Variants in AFG1L observed in about 807,000 individuals in gnomAD.
AFG1L encodes AFG1 like ATPase.
A neutral mutation model predicts 62.2 loss-of-function variants in AFG1L; 53 were observed. The ratio of observed to expected loss-of-function variants is 0.85; its 90% confidence interval spans 0.68 to 1.07. AFG1L has a LOEUF of 1.07. Among genes scored for constraint, AFG1L ranks in the 50% least tolerant of loss-of-function variants. The pLI is 0.00. For synonymous variants in AFG1L, 228 were observed against 210.3 expected (o/e 1.08, Z -0.73); for missense variants, 555 against 590.5 (o/e 0.94, Z 0.62).
chr6:108,525,285 T>C lies in AFG1L; in HGVS notation c.*2860T>C, dbSNP rs927899441. 1.3e-5 allele frequency: 2 copies of C among 152,200 alleles called. No homozygotes were observed. The highest frequency in any genetic ancestry group is 2.4e-5 in the African/African-American group (1 of 41,442). 9.4% of individuals were successfully genotyped at this position (152,200 alleles called of 1,614,324 possible). A position where few individuals can be genotyped will look rare whatever the true frequency, so the allele number is the denominator to read the frequency against. On this transcript the variant is annotated 3_prime_UTR_variant, in exon 13 of 13. Transcript: ENST00000368977. ...ACTTCTCATATTTCTTTAGGCAGTGTATGAGCTTATTTGCTGATATCACTA... is the reference window on the plus strand; with the variant it reads ...ACTTCTCATATTTCTTTAGGCAGTGCATGAGCTTATTTGCTGATATCACTA...
rs893220287 is a variant in AFG1L, at chr6:108,306,803, T to C, written c.139+11585T>C. Among the ~76,000 whole-genome samples, 7 of 152,308 alleles carry C rather than the reference T, an allele frequency of 4.6e-5. No individual in the cohort carries two copies. The East Asian group carries it at 1.4e-3, about 29-fold the overall frequency. On this transcript the variant is annotated intron_variant, in intron 1 of 12. Coordinates refer to ENST00000368977, the MANE Select transcript of AFG1L (RefSeq NM_145315.5). ...CTTTCTGAATGACACTCTGAAAATG[T>C]GGCCCCCATATCACAATATATTCCT...
chr6:108,400,873 A>G (rs1304524743), intron 6 of AFG1L, among the ~76,000 whole-genome samples: 1 of 132,194 alleles, frequency 7.6e-6, no homozygotes, highest in Non-Finnish European at 1.5e-5. Context: ...TATAAAATAT[A>G]TATTTATATA....
chr6:108,345,883 A>C (rs976572080), intron 2 of AFG1L, among the ~76,000 whole-genome samples: 2 of 152,198 alleles, frequency 1.3e-5, no homozygotes, highest in Non-Finnish European at 2.9e-5. Flanking sequence ...AAGCTTAACC[A>C]GTGTAAGTGC....
chr6:108,485,380 G>A (rs1773497140), intron 10 of AFG1L, among the ~76,000 whole-genome samples: 1 of 151,830 alleles, frequency 6.6e-6, no homozygotes, highest in Admixed American at 6.6e-5. Context: ...AGGATTCCCA[G>A]AGGGTCTCAA....
chr6:108,411,212 G>A (rs1251490240), intron 7 of AFG1L, among the ~76,000 whole-genome samples: 3 of 152,224 alleles, frequency 2.0e-5, no homozygotes, highest in Non-Finnish European at 4.4e-5. Flanking sequence ...GAGGCTGGGG[G>A]AGGGGCATCT....
intron 10 of AFG1L, among the ~76,000 whole-genome samples, chr6:108,478,787 G>C (rs1281079093): frequency 6.6e-6 from 1 of 152,116 alleles, no homozygotes; most frequent in East Asian, 1.9e-4. Context: ...TTTTGGAGCA[G>C]ACACTGAGTT....
chr6:108,375,736 T>A (rs1780215730), intron 6 of AFG1L, among the ~76,000 whole-genome samples: 1 of 152,138 alleles, frequency 6.6e-6, no homozygotes, highest in Non-Finnish European at 1.5e-5. Flanking sequence ...TTCTAGTATT[T>A]TTTGAGGATT....
At chr6:108,430,195 G>A (rs1036403944) in intron 7 of AFG1L, among the ~76,000 whole-genome samples, 2 of 152,142 alleles carry the variant, frequency 1.3e-5, no homozygotes, top group African/African-American at 4.8e-5. Flanking sequence ...TGTTCCACCC[G>A]CCTTGGCCTC....
chr6:108,404,870 A>G (rs1781782958), intron 7 of AFG1L, among the ~76,000 whole-genome samples: 1 of 151,694 alleles, frequency 6.6e-6, no homozygotes, highest in African/African-American at 2.4e-5. Flanking sequence ...TGGGACTACA[A>G]GTGCACACAC....
chr6:108,299,284 A>C (rs1232570413), intron 1 of AFG1L, among the ~76,000 whole-genome samples: 1 of 151,988 alleles, frequency 6.6e-6, no homozygotes, highest in Non-Finnish European at 1.5e-5. Flanking sequence ...AAAAAAAATA[A>C]ATTAACATAC....
intron 6 of AFG1L, among the ~76,000 whole-genome samples, chr6:108,371,514 A>G (rs151306194): frequency 7.0e-4 from 107 of 151,996 alleles, no homozygotes; most frequent in Admixed American, 2.0e-3. Flanking sequence ...CCTTGTGAGT[A>G]GCTTGGACTA....
intron 6 of AFG1L, among the ~76,000 whole-genome samples, chr6:108,376,132 G>A (rs1217114064): frequency 6.6e-6 from 1 of 152,086 alleles, no homozygotes; most frequent in Non-Finnish European, 1.5e-5. Flanking sequence ...AGGATCTTTT[G>A]TATTTCTGTG....
chr6:108,515,088 A>G (rs968348016), intron 11 of AFG1L, among the ~76,000 whole-genome samples: 4 of 152,218 alleles, frequency 2.6e-5, no homozygotes, highest in African/African-American at 9.6e-5. Flanking sequence ...AGACAGATCA[A>G]CAAGACAGAA....
chr6:108,475,793 G>A (rs1773083380), intron 8 of AFG1L, among the ~76,000 whole-genome samples: 1 of 152,124 alleles, frequency 6.6e-6, no homozygotes, highest in Non-Finnish European at 1.5e-5. Flanking sequence ...TTGAAGAATT[G>A]GGTGCTTGTG....
chr6:108,315,080 C>T (rs1316846539), intron 1 of AFG1L, among the ~76,000 whole-genome samples: 1 of 152,100 alleles, frequency 6.6e-6, no homozygotes, highest in Non-Finnish European at 1.5e-5. Context: ...CCGCCCGCCT[C>T]AAGTGATCTG....
chr6:108,431,287 A>G (rs540862535), intron 7 of AFG1L, among the ~76,000 whole-genome samples: 1 of 152,080 alleles, frequency 6.6e-6, no homozygotes, highest in African/African-American at 2.4e-5. Context: ...TATTTTTAGT[A>G]GAGACAGGGT....
At chr6:108,456,927 G>A (rs1267883052) in intron 8 of AFG1L, among the ~76,000 whole-genome samples, 2 of 152,060 alleles carry the variant, frequency 1.3e-5, no homozygotes, top group Non-Finnish European at 2.9e-5. Flanking sequence ...TATAGCCCAG[G>A]AGCATTAGGC....
chr6:108,447,662 T>C (rs1771873928), intron 8 of AFG1L, among the ~76,000 whole-genome samples: 1 of 152,192 alleles, frequency 6.6e-6, no homozygotes, highest in Admixed American at 6.5e-5. Context: ...CCCCCCAAAA[T>C]TGTTGTTTTA....
At chr6:108,380,949 G>A (rs945988357) in intron 6 of AFG1L, among the ~76,000 whole-genome samples, 1 of 152,274 alleles carries the variant, frequency 6.6e-6, no homozygotes, top group African/African-American at 2.4e-5. Flanking sequence ...ATTCTCCTCC[G>A]TGGGTTCTGG....
Sources: gnomAD v4.1 joint callset for allele counts (sites outside exome capture counted in the v4.1 genomes callset) on GRCh38, gnomAD v4.1.1 for gene constraint, MANE v1.5 for transcripts, NCBI Gene and HGNC (gene_info 2026-07-23, HGNC 2026-07-21) for gene names.